The following SMAD2 variants were observed in gnomAD, a reference collection of about 807,000 sequenced individuals.
SMAD2 encodes the protein SMAD family member 2.
In SMAD2, 8 loss-of-function variants were observed where a neutral mutation model predicts 64.4. That is an observed-to-expected ratio of 0.12 (90% confidence interval 0.07 to 0.22). SMAD2 has a LOEUF of 0.22. Among genes scored for constraint, SMAD2 ranks in the 10% least tolerant of loss-of-function variants. The pLI is 1.00. For synonymous variants in SMAD2, 203 were observed against 195.8 expected, an observed-to-expected ratio of 1.04 and a Z score of -0.31; for missense variants, 289 against 561.2, an observed-to-expected ratio of 0.51 and a Z score of 4.90.
intron 2 of SMAD2, among the ~76,000 whole-genome samples, chr18:47,887,559 G>A (rs1481484423): frequency 6.6e-6 from 1 of 152,118 alleles, no homozygotes; most frequent in Non-Finnish European, 1.5e-5. Context: ...AACCAAGTAT[G>A]GCCTCTTGAT....
rs1913882516 is a variant in SMAD2 at position 47,840,932 on chromosome 18, T to C, written c.*895A>G. 1 of 232,566 alleles carries C rather than the reference T, an allele frequency of 4.3e-6. No individual in the cohort carries two copies. Among genetic ancestry groups the C allele is most frequent in the African/African-American group, 2.2e-5 (1 of 45,428 alleles). 14.4% of individuals were successfully genotyped at this position (232,566 alleles called of 1,614,324 possible). On this transcript the variant is annotated 3_prime_UTR_variant, in exon 11 of 11. Coordinates refer to ENST00000262160, the MANE Select transcript of SMAD2 (RefSeq NM_005901.6). ...ACTGCTAGATTATACAAGCCAATTA[T>C]TCCTGTTGAAATTTGGGCATAAGAC...
In SMAD2 at chr18:47,816,898, A is replaced by T. The variant is rs1391885345; in HGVS notation, c.*24929T>A. 2 of 151,286 alleles carry T rather than the reference A, an allele frequency of 1.3e-5. No homozygotes were observed. Among genetic ancestry groups the T allele is most frequent in the Non-Finnish European group, 2.9e-5 (2 of 67,946 alleles). 9.4% of individuals were successfully genotyped at this position (151,286 alleles called of 1,614,324 possible). ...CTGCCTCAGCCTCCCAAGTAGCGGG[A>T]TCATAGGCACCCACCAATACACCCA... On this transcript the variant is annotated 3_prime_UTR_variant, in exon 11 of 11. Coordinates refer to ENST00000262160, the MANE Select transcript of SMAD2 (RefSeq NM_005901.6).
At chr18:47,930,700 C>G (rs1041633857), upstream of SMAD2, 2 of 148,726 alleles carry the variant, frequency 1.3e-5, no homozygotes, top group African/African-American at 4.9e-5. Flanking sequence ...GCGCCCGCAG[C>G]CCTACCGGCC....
intron 6 of SMAD2, chr18:47,853,461 T>C (rs1280968107): frequency 5.8e-5 from 12 of 206,580 alleles, no homozygotes; most frequent in Non-Finnish European, 1.0e-4. Context: ...GAGGCGGAGG[T>C]TGCAGTGAGC....
Position 47,832,954 on chromosome 18 carries a change from T to TA in SMAD2, c.*8872dup, listed in dbSNP as rs138588913. The TA allele has an allele frequency of 2.8e-3, 465 of 166,780 alleles. 13 individuals are homozygous for TA. In the East Asian group the frequency reaches 0.039, roughly 14 times the overall value. The allele number at this position is 166,780 out of a possible 1,614,324, so 10.3% of individuals were successfully genotyped here. A position where few individuals can be genotyped will look rare whatever the true frequency, so the allele number is the denominator to read the frequency against. The stretch of plus-strand genomic sequence containing the variant: ...TTAAAAAAACAAAAACATGTACTCT[T>TA]AAAATCATATGTCCATATGTGAAAT... On this transcript the variant is annotated 3_prime_UTR_variant, in exon 11 of 11. Transcript: ENST00000262160.
In SMAD2 at chr18:47,845,445, G is replaced by C. The variant is rs1365824874; in HGVS notation, c.1175C>G (p.Ala392Gly). The change falls in exon 10 of 11, where the codon GCT becomes GGT. Residue 392 changes from alanine (A) to glycine (G), a missense_variant. By Grantham distance (60) the Ala-to-Gly change is moderately conservative. Transcript: ENST00000262160. ...LKIFNNQEFA[A>G]LLAQSVNQGF... ...CTGATTAACAGACTGAGCCAGAAGA[G>C]CAGCAAATTCCTGGTTGTTGAAGAT... The C allele has an allele frequency of 1.9e-6, 3 of 1,613,552 alleles. No homozygotes were observed. The highest frequency in any genetic ancestry group is 2.2e-5 in the South Asian group (2 of 91,078).
intron 2 of SMAD2, among the ~76,000 whole-genome samples, chr18:47,874,199 T>G (rs1337003984): frequency 6.6e-6 from 1 of 152,136 alleles, no homozygotes; most frequent in African/African-American, 2.4e-5. Flanking sequence ...CAAGCTGATA[T>G]AAAATGTATA....
At position 47,832,106 on chromosome 18, in the gene SMAD2, G is replaced by C. The variant is rs1913019649; in HGVS notation, c.*9721C>G. The C allele has an allele frequency of 1.3e-5, 2 of 152,298 alleles. No homozygotes were observed. The highest frequency in any genetic ancestry group is 4.1e-4 in the South Asian group (2 of 4,828). 9.4% of individuals were successfully genotyped at this position (152,298 alleles called of 1,614,324 possible). ...AGAGGCTTTCAATCTATTTTGAAGA[G>C]GGAAAAACAGAATATGCCAAGTGGG... On this transcript the variant is annotated 3_prime_UTR_variant, in exon 11 of 11. Transcript: ENST00000262160.
intron 6 of SMAD2, among the ~76,000 whole-genome samples, chr18:47,858,791 AAG>A (rs1319289537): frequency 1.3e-5 from 2 of 152,206 alleles, no homozygotes; most frequent in East Asian, 3.8e-4. Context: ...GTAAAAGGCC[AAG>A]AGAGTAAACA....
chr18:47,849,219 A>C (rs1914837923), intron 7 of SMAD2, among the ~76,000 whole-genome samples: 1 of 152,150 alleles, frequency 6.6e-6, no homozygotes, highest in Non-Finnish European at 1.5e-5. Context: ...AAAAAGAGAA[A>C]ACCCACTCAT....
chr18:47,910,171 G>GAAAAAA (rs34177639), intron 1 of SMAD2, among the ~76,000 whole-genome samples: 2 of 141,284 alleles, frequency 1.4e-5, no homozygotes, highest in Admixed American at 7.0e-5. Flanking sequence ...TGTGGATATG[G>GAAAAAA]AAAAAAAAAA....
intron 7 of SMAD2, among the ~76,000 whole-genome samples, chr18:47,849,284 A>G (rs1914846744): frequency 6.6e-6 from 1 of 152,194 alleles, no homozygotes; most frequent in Admixed American, 6.5e-5. Flanking sequence ...GAAACAGACC[A>G]TAGAGTCAAA....
chr18:47,875,533 T>C (rs1016051050), intron 2 of SMAD2, among the ~76,000 whole-genome samples: 6 of 152,144 alleles, frequency 3.9e-5, no homozygotes, highest in African/African-American at 1.4e-4. Flanking sequence ...ATGGCCAGTT[T>C]CTAAAAAATA....
chr18:47,904,082 A>C (rs185554159), intron 1 of SMAD2, among the ~76,000 whole-genome samples: 2 of 152,006 alleles, frequency 1.3e-5, no homozygotes, highest in Non-Finnish European at 2.9e-5. Context: ...GATAAAAGTA[A>C]GGATGAAAGG....
intron 2 of SMAD2, among the ~76,000 whole-genome samples, chr18:47,872,036 G>A (rs1255563718): frequency 1.3e-5 from 2 of 152,170 alleles, no homozygotes; most frequent in African/African-American, 4.8e-5. Context: ...AGAGCATGAA[G>A]TTTACATTGT....
intron 1 of SMAD2, among the ~76,000 whole-genome samples, chr18:47,917,354 G>A (rs1232727994): frequency 6.6e-6 from 1 of 151,930 alleles, no homozygotes; most frequent in Admixed American, 6.5e-5. Context: ...TTTAAACTAT[G>A]TCATCATACT....
intron 2 of SMAD2, chr18:47,878,286 A>G (rs1254151843): frequency 6.6e-6 from 1 of 152,192 alleles, no homozygotes; most frequent in South Asian, 2.1e-4. Context: ...AAGTCCAAAT[A>G]ATGTCCAGAT....
intron 2 of SMAD2, among the ~76,000 whole-genome samples, chr18:47,892,575 T>C (rs1486139220): frequency 6.6e-6 from 1 of 152,272 alleles, no homozygotes; most frequent in Non-Finnish European, 1.5e-5. Flanking sequence ...TTTGCATCTA[T>C]GTTTATAAAG....
rs2034381343 is a variant in SMAD2, at chr18:47,917,470, G to A, written c.-54+12891C>T. Among the ~76,000 whole-genome samples the A allele has an allele frequency of 2.6e-5, 4 of 152,224 alleles. No individual in the cohort carries two copies. In the South Asian group the frequency reaches 8.3e-4, roughly 32 times the overall value. On this transcript the variant is annotated intron_variant, in intron 1 of 10. Transcript: ENST00000262160. Reference sequence around the variant, plus strand: ...TGAGATTACATATTGGGTTTATGGAGATATTTCAGCTTATTTTCTACCATC... The same window carrying A: ...TGAGATTACATATTGGGTTTATGGAAATATTTCAGCTTATTTTCTACCATC...
Sources: allele counts gnomAD v4.1 joint callset (sites outside exome capture counted in the v4.1 genomes callset), GRCh38; gene constraint gnomAD v4.1.1; transcripts MANE v1.5; gene names NCBI Gene and HGNC (gene_info 2026-07-23, HGNC 2026-07-21).